The following NKAIN3 variants were observed in gnomAD, a reference collection of about 807,000 sequenced individuals.
The protein encoded by NKAIN3 is sodium/potassium-transporting ATPase subunit beta-1-interacting protein 3.
A neutral mutation model predicts 30.2 loss-of-function variants in NKAIN3; 25 were observed. The observed-to-expected ratio is 0.83, with a 90% CI of 0.60 to 1.16. The LOEUF (loss-of-function observed/expected upper bound fraction) is 1.16, where lower values mean the gene tolerates loss of function less well. Among genes scored for constraint, NKAIN3 ranks in the 50% most tolerant of loss-of-function variants. NKAIN3 has a pLI of 0.00. For synonymous variants in NKAIN3, 91 were observed against 89.6 expected, an observed-to-expected ratio of 1.02 and a Z score of -0.09; for missense variants, 225 against 254.1, an observed-to-expected ratio of 0.89 and a Z score of 0.78.
chr8:62,525,714 AGTCAATG>A (rs1337500494), intron 1 of NKAIN3, among the ~76,000 whole-genome samples: 1 of 152,100 alleles, frequency 6.6e-6, no homozygotes, highest in African/African-American at 2.4e-5. Flanking sequence ...TCACACTGGG[AGTCAATG>A]GTAACTGAAA....
intron 3 of NKAIN3, among the ~76,000 whole-genome samples, chr8:62,724,689 T>C (rs946505394): frequency 1.3e-5 from 2 of 152,154 alleles, no homozygotes; most frequent in African/African-American, 4.8e-5. Flanking sequence ...GTTCCATCCA[T>C]GTTGTTGCAA....
At chr8:62,305,885 T>C (rs1814221271) in intron 1 of NKAIN3, among the ~76,000 whole-genome samples, 1 of 150,476 alleles carries the variant, frequency 6.6e-6, no homozygotes, top group Non-Finnish European at 1.5e-5. Context: ...TTACTGCTTC[T>C]GCTGTTCAAT....
At chr8:62,397,699 G>A (rs377557861) in intron 1 of NKAIN3, among the ~76,000 whole-genome samples, 34 of 152,042 alleles carry the variant, frequency 2.2e-4, no homozygotes, top group African/African-American at 5.1e-4. Flanking sequence ...TGTAATGAGC[G>A]CCTACAGATG....
At position 62,502,530 on chromosome 8, in the gene NKAIN3, C is replaced by A. The variant is rs930842226; in HGVS notation, c.55-77009C>A. ...TCTCTTTTTATCTCTTCTTCTTCTC[C>A]TTCCTCCTTTCCTTCTCCTTCTCCT... On this transcript the variant is annotated intron_variant, in intron 1 of 6. Coordinates refer to ENST00000623646, the MANE Select transcript of NKAIN3 (RefSeq NM_001304533.3). Among the ~76,000 whole-genome samples, 8 of 129,548 alleles carry A rather than the reference C, an allele frequency of 6.2e-5. No homozygotes were observed. The East Asian group carries it at 1.8e-3, about 28-fold the overall frequency. The allele number at this position is 129,548 out of a possible 152,430, so 85.0% of individuals were successfully genotyped here.
chr8:62,630,903 C>CT (rs1437759674), intron 3 of NKAIN3, among the ~76,000 whole-genome samples: 1 of 152,120 alleles, frequency 6.6e-6, no homozygotes, highest in African/African-American at 2.4e-5. Context: ...CCTCAAGCTT[C>CT]TTTTTTAATA....
Position 62,493,927 on chromosome 8 carries a change from G to A in NKAIN3, c.55-85612G>A, listed in dbSNP as rs555614572. Among the ~76,000 whole-genome samples the A allele has an allele frequency of 7.9e-5, 12 of 152,184 alleles. No homozygotes were observed. In the South Asian group the frequency reaches 1.9e-3, roughly 24 times the overall value. On this transcript the variant is annotated intron_variant, in intron 1 of 6. Coordinates refer to ENST00000623646, the MANE Select transcript of NKAIN3 (RefSeq NM_001304533.3). ...TTTTAGATGAAGGAGCTTTTGGGTC[G>A]AGACTCTAGGGTTTTCTGAATAGAA...
intron 4 of NKAIN3, chr8:62,864,018 G>A: frequency 1.4e-6 from 1 of 722,332 alleles, no homozygotes; most frequent in Non-Finnish European, 2.5e-6. Context: ...GCTTTGTAGG[G>A]TGTTTCTCTC....
At chr8:62,550,381 G>A (rs13268135) in intron 1 of NKAIN3, among the ~76,000 whole-genome samples, 17,885 of 152,212 alleles carry the variant, frequency 0.12, 1,265 homozygotes, top group African/African-American at 0.2. Context: ...TTTTAGGAAC[G>A]TAATGATTTC....
chr8:62,445,019 C>T (rs1001666772), intron 1 of NKAIN3, among the ~76,000 whole-genome samples: 1 of 152,072 alleles, frequency 6.6e-6, no homozygotes, highest in African/African-American at 2.4e-5. Flanking sequence ...TATCTTGGCT[C>T]ACTGCAACCT....
At chr8:62,643,675 C>T (rs990849721) in intron 3 of NKAIN3, among the ~76,000 whole-genome samples, 1 of 152,146 alleles carries the variant, frequency 6.6e-6, no homozygotes, top group Admixed American at 6.6e-5. Flanking sequence ...ATAAACCCTG[C>T]TTCAGAAGGT....
intron 1 of NKAIN3, among the ~76,000 whole-genome samples, chr8:62,272,568 G>A (rs960278059): frequency 5.3e-5 from 8 of 152,170 alleles, no homozygotes; most frequent in East Asian, 1.9e-4. Flanking sequence ...CCAAAACATT[G>A]CAAATTGTAC....
chr8:62,935,211 A>T (rs6999604), intron 5 of NKAIN3, among the ~76,000 whole-genome samples: 119,942 of 152,186 alleles, frequency 0.79, 48,299 homozygotes, highest in East Asian at 0.98. Context: ...GGGACACAAC[A>T]CTGTTCGGGG....
At chr8:62,661,464 G>A (rs940312014) in intron 3 of NKAIN3, among the ~76,000 whole-genome samples, 40 of 152,170 alleles carry the variant, frequency 2.6e-4, no homozygotes, top group African/African-American at 9.4e-4. Context: ...TTTCTCATGA[G>A]CCTCTACTTC....
chr8:62,508,601 GT>G (rs1807717408), intron 1 of NKAIN3, among the ~76,000 whole-genome samples: 1 of 152,076 alleles, frequency 6.6e-6, no homozygotes, highest in Non-Finnish European at 1.5e-5. Flanking sequence ...AAAATAATAT[GT>G]TTGACATGCA....
chr8:62,694,945 A>G (rs1450213117), intron 3 of NKAIN3, among the ~76,000 whole-genome samples: 2 of 152,050 alleles, frequency 1.3e-5, no homozygotes, highest in Admixed American at 1.3e-4. Flanking sequence ...GAGATCTTCA[A>G]ACTTGCTACA....
chr8:62,330,886 C>T (rs1050079264), intron 1 of NKAIN3, among the ~76,000 whole-genome samples: 1 of 151,884 alleles, frequency 6.6e-6, no homozygotes, highest in African/African-American at 2.4e-5. Context: ...GAGTGTTCAC[C>T]CACCCTGCTT....
intron 3 of NKAIN3, among the ~76,000 whole-genome samples, chr8:62,645,696 G>T (rs988057826): frequency 6.6e-6 from 1 of 151,978 alleles, no homozygotes; most frequent in East Asian, 1.9e-4. Flanking sequence ...TTTTGTAAAG[G>T]GCATCATTAC....
At chr8:62,796,430 G>C (rs964093503) in intron 4 of NKAIN3, among the ~76,000 whole-genome samples, 3 of 129,508 alleles carry the variant, frequency 2.3e-5, no homozygotes, top group East Asian at 2.4e-4. Flanking sequence ...ATGAATGCTA[G>C]ATACTGCATC....
chr8:62,680,912 T>C (rs1440259510), intron 3 of NKAIN3, among the ~76,000 whole-genome samples: 2 of 152,252 alleles, frequency 1.3e-5, no homozygotes, highest in African/African-American at 4.8e-5. Context: ...TAAGTAATTG[T>C]TTTTAGTGAA....
Sources: gnomAD v4.1 joint callset for allele counts (sites outside exome capture counted in the v4.1 genomes callset) on GRCh38, gnomAD v4.1.1 for gene constraint, MANE v1.5 for transcripts, NCBI Gene and HGNC (gene_info 2026-07-23, HGNC 2026-07-21) for gene names.